The following CCSER2 variants were observed in gnomAD, a reference collection of about 807,000 sequenced individuals.
CCSER2 encodes the protein serine-rich coiled-coil domain-containing protein 2.
CCSER2 carries 46 observed loss-of-function variants against 92.3 expected under a neutral mutation model. The observed-to-expected ratio is 0.50, with a 90% CI of 0.39 to 0.64. CCSER2 has a LOEUF of 0.64. CCSER2 is among the 30% of genes least tolerant of loss of function. The pLI, the probability that CCSER2 is intolerant of heterozygous loss-of-function variation, is 0.00. For missense variants in CCSER2, 1,244 were observed against 1,238.9 expected, an observed-to-expected ratio of 1.00 and a Z score of -0.06; for synonymous variants, 433 against 431.4, an observed-to-expected ratio of 1.00 and a Z score of -0.04.
At chr10:84,493,449 A>C (rs12777109) in intron 9 of CCSER2, among the ~76,000 whole-genome samples, 8,912 of 152,266 alleles carry the variant, frequency 0.059, 373 homozygotes, top group Admixed American at 0.1. Context: ...AATTTCAAGG[A>C]TCCTGCTCTT....
intron 6 of CCSER2, among the ~76,000 whole-genome samples, chr10:84,440,821 C>T (rs1300077740): frequency 3.3e-5 from 5 of 152,144 alleles, no homozygotes; most frequent in African/African-American, 2.4e-5. Flanking sequence ...GAAATAGTTT[C>T]GTTGTAATAG....
chr10:84,491,992 T>C (rs1388027398), intron 9 of CCSER2, among the ~76,000 whole-genome samples: 1 of 152,132 alleles, frequency 6.6e-6, no homozygotes, highest in Non-Finnish European at 1.5e-5. Flanking sequence ...AAAAAATTGA[T>C]TTCTGGGCCA....
chr10:84,392,336 A>T (rs1396910714), intron 3 of CCSER2, among the ~76,000 whole-genome samples: 1 of 151,446 alleles, frequency 6.6e-6, no homozygotes, highest in African/African-American at 2.4e-5. Flanking sequence ...AAAAAAAAAA[A>T]AAAAATCTGT....
chr10:84,494,791 G>A (rs1382861930), intron 9 of CCSER2, among the ~76,000 whole-genome samples: 1 of 152,176 alleles, frequency 6.6e-6, no homozygotes, highest in East Asian at 1.9e-4. Flanking sequence ...GGAGACCAAA[G>A]TATTATCTGT....
rs756038809 is a variant in CCSER2, at chr10:84,372,431, T to A, written c.1379T>A (p.Phe460Tyr). 1.3e-6 allele frequency: 2 copies of A among 1,582,688 alleles called. No individual in the cohort carries two copies. The highest frequency in any genetic ancestry group is 3.9e-5 in the Admixed American group (2 of 50,736). The change falls in exon 2 of 10, where the codon TTC becomes TAC. Residue 460 changes from phenylalanine (F) to tyrosine (Y), a missense_variant. By Grantham distance (22) the Phe-to-Tyr change is conservative. Coordinates refer to ENST00000372088, the MANE Select transcript of CCSER2 (RefSeq NM_001284240.2). ...TCCCCCAAGGAAAATGAAAAAGCCT[T>A]CAGTAAAACTGATGAATGGATAGAT... ...FDSPKENEKA[F>Y]SKTDEWIDIS...
At chr10:84,454,180 A>G (rs1379349237) in intron 6 of CCSER2, among the ~76,000 whole-genome samples, 3 of 152,128 alleles carry the variant, frequency 2.0e-5, no homozygotes, top group African/African-American at 7.2e-5. Context: ...GTTACCAGCA[A>G]TCCTTGGGAT....
chr10:84,329,238 G>A (rs1298437212), intron 1 of CCSER2, among the ~76,000 whole-genome samples: 3 of 152,214 alleles, frequency 2.0e-5, no homozygotes, highest in South Asian at 2.1e-4. Flanking sequence ...CACATCCTGA[G>A]GTGAAACTTT....
intron 1 of CCSER2, among the ~76,000 whole-genome samples, chr10:84,357,451 G>GT (rs11325480): frequency 0.11 from 12,842 of 115,496 alleles, 823 homozygotes; most frequent in Admixed American, 0.16. Context: ...ATATTTTTGT[G>GT]TTTTTTTTTT....
intron 3 of CCSER2, among the ~76,000 whole-genome samples, chr10:84,399,913 T>C (rs1265898917): frequency 6.6e-6 from 1 of 150,810 alleles, no homozygotes; most frequent in Non-Finnish European, 1.5e-5. Flanking sequence ...CTTTTTTTCT[T>C]TCTTTCTTTC....
Position 84,373,652 on chromosome 10 carries a change from A to G in CCSER2, c.1451A>G (p.Asn484Ser). ...GAATGTACAAAACATACTTCTGGGA[A>G]TAATTTGGTTTCACCAGATACAGAC... The part of the protein sequence containing the change: ...RSECTKHTSG[N>S]NLVSPDTDYR... The change falls in exon 3 of 10, where the codon AAT (asparagine) becomes AGT (serine). Residue 484 changes from asparagine to serine, a missense_variant. By Grantham distance (46) the Asn-to-Ser change is conservative. Coordinates refer to ENST00000372088, the MANE Select transcript of CCSER2 (RefSeq NM_001284240.2). The G allele has an allele frequency of 6.2e-7, 1 of 1,613,260 alleles. No individual in the cohort carries two copies. The highest frequency in any genetic ancestry group is 8.5e-7 in the Non-Finnish European group (1 of 1,179,442).
At chr10:84,338,219 G>A (rs934032748) in intron 1 of CCSER2, among the ~76,000 whole-genome samples, 6 of 151,518 alleles carry the variant, frequency 4.0e-5, no homozygotes, top group African/African-American at 1.5e-4. Flanking sequence ...GGGAGGCAGA[G>A]GTTGCAGTGA....
In CCSER2 at chr10:84,377,410, C is replaced by T. The variant is rs1247131950; in HGVS notation, c.1614+3595C>T. Among the ~76,000 whole-genome samples, 4 of 152,158 alleles carry T rather than the reference C, an allele frequency of 2.6e-5. No homozygotes were observed. The East Asian group carries it at 7.7e-4, about 29-fold the overall frequency. On this transcript the variant is annotated intron_variant, in intron 3 of 9. Coordinates refer to ENST00000372088, the MANE Select transcript of CCSER2 (RefSeq NM_001284240.2). ...GATGTCACGATTAATTTATTTTAGTCATCTTTCCCCCACTGTACTTCAGGG... is the reference window on the plus strand; with the variant it reads ...GATGTCACGATTAATTTATTTTAGTTATCTTTCCCCCACTGTACTTCAGGG...
At chr10:84,430,342 T>C (rs1005893892) in intron 5 of CCSER2, among the ~76,000 whole-genome samples, 4 of 152,198 alleles carry the variant, frequency 2.6e-5, no homozygotes, top group East Asian at 3.9e-4. Context: ...CAAGACTATA[T>C]TGGAGCATTT....
At chr10:84,497,317 A>G (rs1404265807) in intron 9 of CCSER2, among the ~76,000 whole-genome samples, 1 of 152,276 alleles carries the variant, frequency 6.6e-6, no homozygotes, top group Non-Finnish European at 1.5e-5. Context: ...CAGAAATAAA[A>G]TGAGTAACAT....
At chr10:84,431,025 A>G (rs1843733160) in intron 5 of CCSER2, among the ~76,000 whole-genome samples, 1 of 152,280 alleles carries the variant, frequency 6.6e-6, no homozygotes, top group Admixed American at 6.5e-5. Flanking sequence ...TAGAGTTCTC[A>G]TATGCTTTCT....
At chr10:84,508,367 G>C (rs537274197) in intron 9 of CCSER2, among the ~76,000 whole-genome samples, 15 of 152,166 alleles carry the variant, frequency 9.9e-5, no homozygotes, top group African/African-American at 3.6e-4. Flanking sequence ...TACTGTTACT[G>C]GTTATTATTT....
chr10:84,501,968 G>A (rs1848780207), intron 9 of CCSER2, among the ~76,000 whole-genome samples: 1 of 142,744 alleles, frequency 7.0e-6, no homozygotes, highest in African/African-American at 2.5e-5. Flanking sequence ...CCCTGTTTGT[G>A]CGAAGTAATG....
intron 3 of CCSER2, among the ~76,000 whole-genome samples, chr10:84,397,111 A>G (rs1841885459): frequency 6.6e-6 from 1 of 152,212 alleles, no homozygotes; most frequent in Non-Finnish European, 1.5e-5. Context: ...TTACTATATG[A>G]AAGTTGCTAT....
Position 84,497,423 on chromosome 10 carries a change from G to C in CCSER2, c.2326-16026G>C, listed in dbSNP as rs912440718. 7.2e-5 allele frequency among the ~76,000 whole-genome samples: 11 copies of C among 152,306 alleles called. No homozygotes were observed. In the South Asian group the frequency reaches 1.2e-3, roughly 17 times the overall value. ...GGCGGTGGCAGGCAGCGCTGTTTAT[G>C]TATTTATTTCACAAGGTTGTCTTTC... On this transcript the variant is annotated intron_variant, in intron 9 of 9. Coordinates refer to ENST00000372088, the MANE Select transcript of CCSER2 (RefSeq NM_001284240.2).
Sources: allele counts gnomAD v4.1 joint callset (sites outside exome capture counted in the v4.1 genomes callset), GRCh38; gene constraint gnomAD v4.1.1; transcripts MANE v1.5; gene names NCBI Gene and HGNC (gene_info 2026-07-23, HGNC 2026-07-21).